Variants in SMIM31 observed in about 807,000 individuals in gnomAD.
SMIM31 encodes small integral membrane protein 31.
chr4:164,758,964 T>C (rs1732610323), intron 1 of SMIM31, among the ~76,000 whole-genome samples: 1 of 151,336 alleles, frequency 6.6e-6, no homozygotes, highest in African/African-American at 2.4e-5. Flanking sequence ...CACCGCGCCC[T>C]GCCTCATATA....
At chr4:164,793,869 TA>T (rs1306203237) in intron 2 of SMIM31, among the ~76,000 whole-genome samples, 2 of 152,160 alleles carry the variant, frequency 1.3e-5, no homozygotes, top group Non-Finnish European at 2.9e-5. Flanking sequence ...GTTAAAGATC[TA>T]AACGTAAGAC....
At chr4:164,755,212 G>T (rs1292958593) in intron 1 of SMIM31, among the ~76,000 whole-genome samples, 1 of 151,512 alleles carries the variant, frequency 6.6e-6, no homozygotes, top group Non-Finnish European at 1.5e-5. Context: ...AGGCACGGTG[G>T]CTCATGCCTG....
chr4:164,768,605 G>A (rs1214761614), intron 1 of SMIM31, among the ~76,000 whole-genome samples: 1 of 152,096 alleles, frequency 6.6e-6, no homozygotes, highest in East Asian at 1.9e-4. Flanking sequence ...TGGAGAATAG[G>A]AGAAACCATT....
intron 1 of SMIM31, among the ~76,000 whole-genome samples, chr4:164,756,381 T>C (rs1441793074): frequency 1.3e-5 from 2 of 151,896 alleles, no homozygotes; most frequent in Admixed American, 6.6e-5. Flanking sequence ...CCATCCTGGC[T>C]AACATGGTGA....
intron 1 of SMIM31, among the ~76,000 whole-genome samples, chr4:164,764,491 T>C (rs28715383): frequency 0.13 from 19,613 of 149,416 alleles, 1,533 homozygotes; most frequent in African/African-American, 0.22. Flanking sequence ...TGCTCGAACC[T>C]GGGAGGCGGA....
intron 1 of SMIM31, among the ~76,000 whole-genome samples, chr4:164,766,848 A>G (rs961027725): frequency 1.3e-5 from 2 of 152,200 alleles, no homozygotes; most frequent in Non-Finnish European, 2.9e-5. Context: ...TGATGAAAAT[A>G]AAACTGCTGA....
At chr4:164,754,487 A>G (rs1732528258) in intron 1 of SMIM31, 76 bp downstream of exon 1, 1 of 144,424 alleles carries the variant, frequency 6.9e-6, no homozygotes, top group Admixed American at 7.0e-5. Context: ...ATTCATATGG[A>G]CTAGAAATGT....
chr4:164,801,546 C>A lies in SMIM31; in HGVS notation c.*352C>A, dbSNP rs773120971. 6.0e-6 allele frequency: 1 copy of A among 167,734 alleles called. No individual in the cohort carries two copies. 10.4% of individuals were successfully genotyped at this position (167,734 alleles called of 1,614,324 possible). A position where few individuals can be genotyped will look rare whatever the true frequency, so the allele number is the denominator to read the frequency against. ...TAAACAAACAAACAAAAAATTTAATCACTTTTTTTGGTCCTGCGACACACA... is the reference window on the plus strand; with the variant it reads ...TAAACAAACAAACAAAAAATTTAATAACTTTTTTTGGTCCTGCGACACACA... On this transcript the variant is annotated 3_prime_UTR_variant, in exon 3 of 3. Coordinates refer to ENST00000507311, the MANE Select transcript of SMIM31 (RefSeq NM_001352885.1).
At chr4:164,760,308 G>C (rs141633689) in intron 1 of SMIM31, among the ~76,000 whole-genome samples, 1 of 152,172 alleles carries the variant, frequency 6.6e-6, no homozygotes, top group Admixed American at 6.6e-5. Context: ...CTTAAGGGTA[G>C]AAAGAAAAGC....
At chr4:164,758,476 G>A (rs951545974) in intron 1 of SMIM31, among the ~76,000 whole-genome samples, 59 of 152,210 alleles carry the variant, frequency 3.9e-4, no homozygotes, top group Middle Eastern at 6.8e-3. Context: ...TTTAAGTATG[G>A]TGTTAGCTCT....
chr4:164,755,869 A>G (rs1271844966), intron 1 of SMIM31, among the ~76,000 whole-genome samples: 1 of 152,168 alleles, frequency 6.6e-6, no homozygotes, highest in Non-Finnish European at 1.5e-5. Flanking sequence ...GTTCAAACAT[A>G]GAGAAAAATT....
chr4:164,758,987 GCTTT>G (rs1242319327), intron 1 of SMIM31, among the ~76,000 whole-genome samples: 1 of 151,424 alleles, frequency 6.6e-6, no homozygotes, highest in Non-Finnish European at 1.5e-5. Context: ...TAGTTTTTCT[GCTTT>G]ATTCTGTTAA....
rs549436380 is a variant in SMIM31 at position 164,755,978 on chromosome 4, C to A, written c.-26+1567C>A. Among the ~76,000 whole-genome samples the A allele has an allele frequency of 1.2e-4, 19 of 152,272 alleles. No individual in the cohort carries two copies. The South Asian group carries it at 3.9e-3, about 32-fold the overall frequency. ...CTTTACATATTATCATCTCTCTGTACGTCCACTGATTCACCTTCTTTATTT... is the reference window on the plus strand; with the variant it reads ...CTTTACATATTATCATCTCTCTGTAAGTCCACTGATTCACCTTCTTTATTT... On this transcript the variant is annotated intron_variant, in intron 1 of 2. Coordinates refer to ENST00000507311, the MANE Select transcript of SMIM31 (RefSeq NM_001352885.1).
At chr4:164,789,348 A>G (rs1416698078) in intron 2 of SMIM31, among the ~76,000 whole-genome samples, 2 of 152,290 alleles carry the variant, frequency 1.3e-5, no homozygotes, top group East Asian at 1.9e-4. Flanking sequence ...TCCTTTATCT[A>G]CACTCCATAG....
chr4:164,782,293 A>C (rs1306190853), intron 2 of SMIM31, among the ~76,000 whole-genome samples: 2 of 150,758 alleles, frequency 1.3e-5, no homozygotes, highest in Non-Finnish European at 3.0e-5. Flanking sequence ...CCGTCTCACA[A>C]AAAAAAAAGT....
chr4:164,776,488 A>T (rs140659327), intron 2 of SMIM31, among the ~76,000 whole-genome samples: 1 of 152,202 alleles, frequency 6.6e-6, no homozygotes, highest in African/African-American at 2.4e-5. Flanking sequence ...GAGGTAATAC[A>T]GGTAGGAAAG....
chr4:164,788,550 C>T (rs1157900523), intron 2 of SMIM31, among the ~76,000 whole-genome samples: 1 of 119,282 alleles, frequency 8.4e-6, no homozygotes, highest in Non-Finnish European at 1.6e-5. Context: ...AGTGCAATGG[C>T]GCAATCTCGG....
chr4:164,787,836 T>A (rs73875023), intron 2 of SMIM31, among the ~76,000 whole-genome samples: 6,764 of 152,274 alleles, frequency 0.044, 483 homozygotes, highest in African/African-American at 0.15. Flanking sequence ...TAAGAGAAAG[T>A]CTTTGAACAT....
At chr4:164,765,375 T>A (rs1732706454) in intron 1 of SMIM31, among the ~76,000 whole-genome samples, 1 of 152,148 alleles carries the variant, frequency 6.6e-6, no homozygotes, top group Non-Finnish European at 1.5e-5. Flanking sequence ...TGTATGAGCC[T>A]TCAAGGTGAA....
Sources: gnomAD v4.1 joint callset for allele counts (sites outside exome capture counted in the v4.1 genomes callset) on GRCh38, gnomAD v4.1.1 for gene constraint, MANE v1.5 for transcripts, NCBI Gene and HGNC (gene_info 2026-07-23, HGNC 2026-07-21) for gene names.